Variants in UMOD observed in about 807,000 individuals in gnomAD.
UMOD encodes Tamm-Horsfall urinary glycoprotein.
A neutral mutation model predicts 66.0 loss-of-function variants in UMOD; 64 were observed. That is an observed-to-expected ratio of 0.97 (90% CI 0.79 to 1.19). The LOEUF (loss-of-function observed/expected upper bound fraction) is 1.19. Ranked by LOEUF, UMOD falls within the 50% of genes most tolerant of loss-of-function variation. The probability of loss-of-function intolerance (pLI) is 0.00; values close to 1 mark genes in which losing one functional copy is unlikely to be tolerated. For missense variants in UMOD, 764 were observed against 850.9 expected (o/e 0.90, Z 1.27); for synonymous variants, 398 against 352.7 (o/e 1.13, Z -1.44).
intron 7 of UMOD, among the ~76,000 whole-genome samples, chr16:20,338,841 C>T (rs8044650): frequency 0.2 from 29,857 of 152,082 alleles, 3,894 homozygotes; most frequent in African/African-American, 0.38. Flanking sequence ...CTCACTGCAA[C>T]CTCTGCCTCC....
At chr16:20,349,925 T>C in intron 2 of UMOD, 1 of 1,507,586 alleles carries the variant, frequency 6.6e-7, no homozygotes, top group Non-Finnish European at 8.9e-7. Flanking sequence ...TATTAAGCAA[T>C]TACTATATGC....
intron 4 of UMOD, among the ~76,000 whole-genome samples, chr16:20,347,625 C>T (rs1965661714): frequency 6.6e-6 from 1 of 152,062 alleles, no homozygotes; most frequent in South Asian, 2.1e-4. Context: ...AGATTCAGTC[C>T]ATTAGAAGAA....
upstream of UMOD, among the ~76,000 whole-genome samples, chr16:20,355,785 C>T (rs74011987): frequency 0.023 from 3,441 of 152,306 alleles, 115 homozygotes; most frequent in African/African-American, 0.072. Context: ...CTGAGCACTT[C>T]TCTTGGGTCA....
At chr16:20,335,589 C>T (rs1964826538) in intron 9 of UMOD, 69 bp from the exon 10 acceptor site, 2 of 1,482,018 alleles carry the variant, frequency 1.3e-6, no homozygotes, top group South Asian at 1.1e-5. Flanking sequence ...CTGACAGAAA[C>T]CCCTTCAATC....
intron 5 of UMOD, among the ~76,000 whole-genome samples, chr16:20,345,772 T>C (rs1965547106): frequency 6.6e-6 from 1 of 151,964 alleles, no homozygotes; most frequent in Admixed American, 6.6e-5. Flanking sequence ...AATAGACTAG[T>C]TTCTGAACCC....
chr16:20,348,691 G>T lies in UMOD; in HGVS notation c.610C>A (p.Arg204Ser). ...CGCGCACCGCCCTGGCCCACGAAGC[G>T]GTACCAGCCGCGCAGGTCCGTGTCG... ...ACDTDLRGWY[R>S]FVGQGGARMA... Residue 204 changes from arginine (R) to serine (S), a missense_variant, in exon 3 of 11, where the codon CGC (arginine) becomes AGC (serine). Coordinates refer to ENST00000396138, the MANE Select transcript of UMOD (RefSeq NM_003361.4). 6.4e-7 allele frequency: 1 copy of T among 1,553,366 alleles called. No homozygotes were observed. The highest frequency in any genetic ancestry group is 8.7e-7 in the Non-Finnish European group (1 of 1,150,910).
Position 20,344,230 on chromosome 16 carries a change from T to C in UMOD, c.1183-58A>G, listed in dbSNP as rs1028862172. ...GGGATGAGAGAAAGGGGCATGAGAA[T>C]CTGAGTAGGACTTCAAAGCTAAATC... On this transcript the variant is annotated intron_variant, in intron 5 of 10. Coordinates refer to ENST00000396138, the MANE Select transcript of UMOD (RefSeq NM_003361.4). 5 of 1,527,590 alleles carry C rather than the reference T, an allele frequency of 3.3e-6. No individual in the cohort carries two copies. In the Admixed American group the frequency reaches 8.4e-5, roughly 26 times the overall value. The allele number at this position is 1,527,590 out of a possible 1,614,324, so 94.6% of individuals were successfully genotyped here.
chr16:20,351,006 C>T (rs1965862940), intron 1 of UMOD, 167 bp from the exon 2 acceptor site: 1 of 547,750 alleles, frequency 1.8e-6, no homozygotes, highest in Non-Finnish European at 3.1e-6. Context: ...ACCCCTTGTA[C>T]TCCCCCTCCT....
intron 10 of UMOD, among the ~76,000 whole-genome samples, chr16:20,334,913 C>A: frequency 6.6e-6 from 1 of 151,000 alleles, no homozygotes; most frequent in Non-Finnish European, 1.5e-5. Flanking sequence ...CTCACTGCAA[C>A]CTCTGCCCCC....
At chr16:20,343,889 C>T (rs1965376533) in intron 6 of UMOD, 135 bp downstream of exon 6, 1 of 1,048,772 alleles carries the variant, frequency 9.5e-7, no homozygotes, top group African/African-American at 1.6e-5. Flanking sequence ...GAATTCCTGG[C>T]TCTTCCATTG....
chr16:20,340,478 A>G (rs1297159217), intron 7 of UMOD, among the ~76,000 whole-genome samples: 2 of 147,500 alleles, frequency 1.4e-5, no homozygotes, highest in African/African-American at 5.1e-5. Context: ...GTGTGTATAT[A>G]TATATATATA....
In UMOD at chr16:20,341,354, T is replaced by C. The variant is rs1233425721; in HGVS notation, c.1332-18A>G. On this transcript the variant is annotated intron_variant, in intron 6 of 10. Transcript: ENST00000396138. ...TTAGAGCACTGCCAGGGGAGAAGGG[T>C]TGGTGAGAGGACCGGGCTGAGAACA... 2 of 1,612,374 alleles carry C rather than the reference T, an allele frequency of 1.2e-6. No individual in the cohort carries two copies. Among genetic ancestry groups the C allele is most frequent in the East Asian group, 2.2e-5 (1 of 44,866 alleles).
upstream of UMOD, among the ~76,000 whole-genome samples, chr16:20,355,128 C>T (rs959455080): frequency 2.6e-5 from 4 of 152,158 alleles, no homozygotes; most frequent in Non-Finnish European, 5.9e-5. Context: ...GACCCTGGTA[C>T]TTCCCAGCAG....
upstream of UMOD, among the ~76,000 whole-genome samples, chr16:20,355,045 C>G (rs955494357): frequency 2.0e-5 from 3 of 152,150 alleles, no homozygotes; most frequent in Non-Finnish European, 4.4e-5. Flanking sequence ...CCTTGCCTCT[C>G]CCATTCCTTC....
At position 20,350,853 on chromosome 16, in the gene UMOD, T is replaced by A. The variant is rs757253229; in HGVS notation, c.-102-14A>T. ...ATGTCTGGTGTCCTGTGAACAGAGA[T>A]GGATGGGACAAATGCATGATCTAAC... On this transcript the variant is annotated splice_polypyrimidine_tract_variant and intron_variant, in intron 1 of 10. Coordinates refer to ENST00000396138, the MANE Select transcript of UMOD (RefSeq NM_003361.4). The A allele has an allele frequency of 1.2e-5, 18 of 1,553,000 alleles. No homozygotes were observed. The highest frequency in any genetic ancestry group is 2.2e-4 in the Middle Eastern group (1 of 4,556).
intron 4 of UMOD, among the ~76,000 whole-genome samples, chr16:20,347,709 T>C (rs1182879697): frequency 1.3e-5 from 2 of 152,238 alleles, no homozygotes; most frequent in Non-Finnish European, 2.9e-5. Context: ...AATTGTAAAG[T>C]TGGCACTTGG....
rs1965393722 is a variant in UMOD at position 20,344,075 on chromosome 16, TAGG to T, written c.1277_1279del (p.Ser426del). On this transcript the variant is annotated inframe_deletion, in exon 6 of 11. Transcript: ENST00000396138. ...CAGGCTGACTTTCATGTCCAGGGGG[TAGG>T]AGCATGCAAAGTTGATTTTGATGTT... 6.2e-7 allele frequency: 1 copy of T among 1,613,010 alleles called. No individual in the cohort carries two copies. Among genetic ancestry groups the T allele is most frequent in the South Asian group, 1.1e-5 (1 of 91,000 alleles).
upstream of UMOD, chr16:20,352,816 G>C: frequency 9.3e-7 from 1 of 1,073,892 alleles, no homozygotes; most frequent in South Asian, 4.8e-5. Context: ...TGTTTTCTTG[G>C]GGGTGGAATA....
At chr16:20,346,382 G>A (rs1965589284) in intron 4 of UMOD, 48 bp from the exon 5 acceptor site, 5 of 1,598,328 alleles carry the variant, frequency 3.1e-6, no homozygotes, top group African/African-American at 1.3e-5. Flanking sequence ...TAGCTTGGGG[G>A]CCCAGCACAT....
Sources: allele counts gnomAD v4.1 joint callset (sites outside exome capture counted in the v4.1 genomes callset), GRCh38; gene constraint gnomAD v4.1.1; transcripts MANE v1.5; gene names NCBI Gene and HGNC (gene_info 2026-07-23, HGNC 2026-07-21).